PIP5K1B: variants seen among roughly 807,000 people sequenced by gnomAD.
PIP5K1B encodes phosphatidylinositol 4-phosphate 5-kinase type-1 beta.
A neutral mutation model predicts 67.0 loss-of-function variants in PIP5K1B; 42 were observed. That is an observed-to-expected ratio of 0.63 (90% CI 0.49 to 0.81). The LOEUF (loss-of-function observed/expected upper bound fraction) is 0.81, where lower values mean the gene tolerates loss of function less well. PIP5K1B is among the 30% of genes least tolerant of loss of function. PIP5K1B has a pLI of 0.00. For synonymous variants in PIP5K1B, 214 were observed against 231.4 expected, an observed-to-expected ratio of 0.92 and a Z score of 0.68; for missense variants, 459 against 646.3, an observed-to-expected ratio of 0.71 and a Z score of 3.14.
At chr9:68,719,033 G>A (rs1827760892) in intron 1 of PIP5K1B, among the ~76,000 whole-genome samples, 1 of 152,176 alleles carries the variant, frequency 6.6e-6, no homozygotes, top group African/African-American at 2.4e-5. Flanking sequence ...AGGTCTTCAA[G>A]AGTTCTACTG....
intron 1 of PIP5K1B, among the ~76,000 whole-genome samples, chr9:68,723,130 C>T (rs938010064): frequency 1.3e-5 from 2 of 151,938 alleles, no homozygotes; most frequent in Admixed American, 6.6e-5. Flanking sequence ...GACAGGATCT[C>T]GTTCTTTTCT....
In PIP5K1B at chr9:68,884,665, T is replaced by TAAAAAAAAAAA. The variant is rs71353087; in HGVS notation, c.319-4308_319-4298dup. 9.4e-3 allele frequency among the ~76,000 whole-genome samples: 1,250 copies of TAAAAAAAAAAA among 133,092 alleles called. 16 individuals carry two copies. Among genetic ancestry groups the TAAAAAAAAAAA allele is most frequent in the African/African-American group, 0.033 (1,140 of 34,800 alleles). 87.3% of individuals were successfully genotyped at this position (133,092 alleles called of 152,430 possible). ...GGGTGGCAGAGCAGGACCTTGTCTTTAAAAAAAAAAAAAAAAAAGACATAC... is the reference window on the plus strand; with the variant it reads ...GGGTGGCAGAGCAGGACCTTGTCTTTAAAAAAAAAAAAAAAAAAAAAAAAAAAAAGACATAC... On this transcript the variant is annotated intron_variant, in intron 6 of 15. Coordinates refer to ENST00000265382, the MANE Select transcript of PIP5K1B (RefSeq NM_003558.4).
chr9:68,949,433 C>T (rs891904033), intron 14 of PIP5K1B, among the ~76,000 whole-genome samples: 1 of 152,226 alleles, frequency 6.6e-6, no homozygotes, highest in Admixed American at 6.5e-5. Context: ...CCTCTCTGTT[C>T]TTTCTGAGTA....
chr9:68,762,410 T>C (rs906713672), intron 2 of PIP5K1B, among the ~76,000 whole-genome samples: 3 of 152,124 alleles, frequency 2.0e-5, no homozygotes, highest in African/African-American at 7.2e-5. Flanking sequence ...TAGACTGTAT[T>C]AATTTGCATT....
chr9:68,753,909 C>T (rs1829774371), intron 2 of PIP5K1B, among the ~76,000 whole-genome samples: 2 of 152,234 alleles, frequency 1.3e-5, no homozygotes, highest in South Asian at 4.1e-4. Flanking sequence ...ATCCACCCGC[C>T]TTGGCCTCCC....
chr9:68,963,481 T>TG (rs1828857492), intron 14 of PIP5K1B, among the ~76,000 whole-genome samples: 1 of 147,824 alleles, frequency 6.8e-6, no homozygotes. Flanking sequence ...CCATCCTGGG[T>TG]GACAGAGCAA....
At chr9:68,920,100 A>G (rs1826289729) in intron 11 of PIP5K1B, among the ~76,000 whole-genome samples, 1 of 152,150 alleles carries the variant, frequency 6.6e-6, no homozygotes, top group Non-Finnish European at 1.5e-5. Flanking sequence ...CTGATGGTGA[A>G]CAGCCTGGAT....
At chr9:68,825,919 T>G (rs1203782986) in intron 4 of PIP5K1B, among the ~76,000 whole-genome samples, 1 of 152,206 alleles carries the variant, frequency 6.6e-6, no homozygotes, top group African/African-American at 2.4e-5. Flanking sequence ...CCACGTGTTA[T>G]TAGGGAACAC....
At chr9:68,792,620 A>G (rs750970191) in intron 2 of PIP5K1B, among the ~76,000 whole-genome samples, 1 of 152,084 alleles carries the variant, frequency 6.6e-6, no homozygotes, top group Non-Finnish European at 1.5e-5. Flanking sequence ...GTGGGACTAC[A>G]GGCACCCGCC....
At chr9:68,988,457 T>G (rs1286048822) in intron 14 of PIP5K1B, among the ~76,000 whole-genome samples, 3 of 68,310 alleles carry the variant, frequency 4.4e-5, no homozygotes, top group Admixed American at 1.5e-4. Context: ...TTTTTTTTTT[T>G]TTTTTTTTTT....
intron 8 of PIP5K1B, among the ~76,000 whole-genome samples, chr9:68,901,833 C>T (rs1329742688): frequency 2.6e-5 from 4 of 152,166 alleles, no homozygotes; most frequent in Admixed American, 1.3e-4. Context: ...TTTGGACTTA[C>T]CTAGCCAAGC....
At chr9:68,963,733 T>C (rs1388526021) in intron 14 of PIP5K1B, among the ~76,000 whole-genome samples, 4 of 152,272 alleles carry the variant, frequency 2.6e-5, no homozygotes, top group Middle Eastern at 6.8e-3. Flanking sequence ...TATACAGTCA[T>C]TGCCTGAAAT....
chr9:68,976,695 G>GC (rs1267220470), intron 14 of PIP5K1B, among the ~76,000 whole-genome samples: 1 of 152,112 alleles, frequency 6.6e-6, no homozygotes, highest in African/African-American at 2.4e-5. Context: ...AGATCATCAG[G>GC]CATTAGATTC....
chr9:68,999,060 C>T (rs1830707702), intron 15 of PIP5K1B, among the ~76,000 whole-genome samples: 1 of 152,178 alleles, frequency 6.6e-6, no homozygotes, highest in Admixed American at 6.5e-5. Flanking sequence ...TTCCCTCCCT[C>T]TTTTAGCCTC....
intron 6 of PIP5K1B, among the ~76,000 whole-genome samples, chr9:68,887,189 A>T (rs1311078571): frequency 6.6e-6 from 1 of 152,104 alleles, no homozygotes; most frequent in Admixed American, 6.6e-5. Flanking sequence ...TCTCCACTGC[A>T]CTTACCACTT....
intron 13 of PIP5K1B, among the ~76,000 whole-genome samples, chr9:68,938,887 T>C (rs957963860): frequency 6.6e-6 from 1 of 152,178 alleles, no homozygotes; most frequent in African/African-American, 2.4e-5. Flanking sequence ...ACACTTTGTC[T>C]CTCTGACTTC....
intron 6 of PIP5K1B, among the ~76,000 whole-genome samples, chr9:68,878,717 C>T (rs909767263): frequency 2.0e-5 from 3 of 152,216 alleles, no homozygotes; most frequent in African/African-American, 7.2e-5. Flanking sequence ...AACCAATCAA[C>T]TCTACCAGGC....
At chr9:68,911,476 G>T (rs1825848444) in intron 8 of PIP5K1B, among the ~76,000 whole-genome samples, 1 of 152,122 alleles carries the variant, frequency 6.6e-6, no homozygotes, top group South Asian at 2.1e-4. Flanking sequence ...GGGTGACTCA[G>T]TGAAGGAAAA....
At chr9:68,943,462 C>A (rs1439618966) in intron 14 of PIP5K1B, among the ~76,000 whole-genome samples, 1 of 152,130 alleles carries the variant, frequency 6.6e-6, no homozygotes, top group Non-Finnish European at 1.5e-5. Context: ...CTGTGCCCAA[C>A]CCTCATTATT....
Sources: allele counts gnomAD v4.1 joint callset (sites outside exome capture counted in the v4.1 genomes callset), GRCh38; gene constraint gnomAD v4.1.1; transcripts MANE v1.5; gene names NCBI Gene and HGNC (gene_info 2026-07-23, HGNC 2026-07-21).